The following SORT1 variants were observed in gnomAD, a reference collection of about 807,000 sequenced individuals.
SORT1 encodes the protein sortilin.
SORT1 carries 39 observed loss-of-function variants against 101.7 expected under a neutral mutation model. The observed-to-expected ratio is 0.38, with a 90% CI of 0.30 to 0.50. The LOEUF is 0.50. Ranked by LOEUF, SORT1 falls within the 20% of genes least tolerant of loss-of-function variation. SORT1 has a pLI of 0.90. For synonymous variants in SORT1, 396 were observed against 393.7 expected, an observed-to-expected ratio of 1.01 and a Z score of -0.07; for missense variants, 878 against 1,040.4, an observed-to-expected ratio of 0.84 and a Z score of 2.15.
At chr1:109,330,738 A>G (rs1340194724) in intron 11 of SORT1, among the ~76,000 whole-genome samples, 1 of 152,104 alleles carries the variant, frequency 6.6e-6, no homozygotes, top group Non-Finnish European at 1.5e-5. Flanking sequence ...AGAATAAGAA[A>G]AAAAGAAAAG....
At position 109,310,856 on chromosome 1, in the gene SORT1, G is replaced by C. The variant is rs1383720749; in HGVS notation, c.*3187C>G. 6.6e-6 allele frequency: 1 copy of C among 152,282 alleles called. No homozygotes were observed. Among genetic ancestry groups the C allele is most frequent in the African/African-American group, 2.4e-5 (1 of 41,452 alleles). The allele number at this position is 152,282 out of a possible 1,614,324, so 9.4% of individuals were successfully genotyped here. ...ATCGTGACGAAGGCCATGAGAACCAGCTCTGGTTTACAGACTCGATGCAGG... is the reference window on the plus strand; with the variant it reads ...ATCGTGACGAAGGCCATGAGAACCACCTCTGGTTTACAGACTCGATGCAGG... On this transcript the variant is annotated 3_prime_UTR_variant, in exon 20 of 20. Transcript: ENST00000256637.
Position 109,358,962 on chromosome 1 carries a change from C to T in SORT1, c.441-3493G>A, listed in dbSNP as rs567576825. ...AAATGATCATTTTTGCATGTATCCA[C>T]GGTGTAAACATGCACATGTTTATAA... On this transcript the variant is annotated intron_variant, in intron 3 of 19. Transcript: ENST00000256637. Among the ~76,000 whole-genome samples, 6 of 152,084 alleles carry T rather than the reference C, an allele frequency of 3.9e-5. No homozygotes were observed. In the East Asian group the frequency reaches 9.7e-4, roughly 24 times the overall value.
chr1:109,367,531 A>G (rs1553198196), intron 2 of SORT1, 50 bp from the exon 3 acceptor site: 7 of 1,163,916 alleles, frequency 6.0e-6, no homozygotes, highest in Non-Finnish European at 7.7e-6. Flanking sequence ...TTCCAATCAC[A>G]TGCTGATATG....
intron 4 of SORT1, among the ~76,000 whole-genome samples, chr1:109,354,817 T>C (rs1286914929): frequency 1.3e-5 from 2 of 152,192 alleles, no homozygotes; most frequent in Non-Finnish European, 2.9e-5. Flanking sequence ...GTTATATACA[T>C]TGTAATGTTA....
At chr1:109,346,892 C>T (rs1570932247) in intron 7 of SORT1, among the ~76,000 whole-genome samples, 1 of 152,122 alleles carries the variant, frequency 6.6e-6, no homozygotes, top group Non-Finnish European at 1.5e-5. Flanking sequence ...CCCAAGCTGT[C>T]CTTGAACTTC....
intron 9 of SORT1, among the ~76,000 whole-genome samples, chr1:109,341,352 G>GTT (rs57784152): frequency 6.8e-6 from 1 of 146,228 alleles, no homozygotes; most frequent in Non-Finnish European, 1.5e-5. Flanking sequence ...ATGCCCCTAA[G>GTT]TTTTTTTTTT....
intron 1 of SORT1, chr1:109,392,989 G>A (rs2100935044): frequency 1.0e-6 from 1 of 985,486 alleles, no homozygotes. Flanking sequence ...TGGAAGAAAT[G>A]AGGCAGTTAG....
At chr1:109,373,070 A>AG (rs1159132330) in intron 1 of SORT1, among the ~76,000 whole-genome samples, 1 of 152,080 alleles carries the variant, frequency 6.6e-6, no homozygotes, top group Non-Finnish European at 1.5e-5. Context: ...AGAAAAGAAA[A>AG]GAAAAAAAAA....
intron 5 of SORT1, 113 bp downstream of exon 5, chr1:109,354,254 G>T: frequency 1.3e-6 from 1 of 751,056 alleles, no homozygotes; most frequent in Non-Finnish European, 2.1e-6. Context: ...CATGCCATAA[G>T]GAGACTTGAA....
chr1:109,321,688 G>A (rs1014865197), intron 15 of SORT1, among the ~76,000 whole-genome samples: 4 of 152,122 alleles, frequency 2.6e-5, no homozygotes, highest in African/African-American at 9.7e-5. Flanking sequence ...ATGACATAAA[G>A]GGCCATGGCT....
At position 109,313,904 on chromosome 1, in the gene SORT1, C is replaced by A; in HGVS notation, c.*139G>T. On this transcript the variant is annotated 3_prime_UTR_variant, in exon 20 of 20. Transcript: ENST00000256637. Reference sequence around the variant, plus strand: ...ACCCTGCATTTCTTTAGTGTAGGTCCTTTTGGCTTTGATGGAAGCAGCAGA... The same window carrying A: ...ACCCTGCATTTCTTTAGTGTAGGTCATTTTGGCTTTGATGGAAGCAGCAGA... 5.7e-6 allele frequency: 4 copies of A among 697,756 alleles called. No homozygotes were observed. Among genetic ancestry groups the A allele is most frequent in the Non-Finnish European group, 9.5e-6 (4 of 421,218 alleles). 43.2% of individuals were successfully genotyped at this position (697,756 alleles called of 1,614,324 possible).
At chr1:109,344,837 C>T (rs1649473240) in intron 8 of SORT1, among the ~76,000 whole-genome samples, 1 of 152,090 alleles carries the variant, frequency 6.6e-6, no homozygotes, top group Non-Finnish European at 1.5e-5. Context: ...GCTGAGACTA[C>T]AGGCACATGC....
At chr1:109,372,847 C>G (rs934012484) in intron 1 of SORT1, among the ~76,000 whole-genome samples, 4 of 149,332 alleles carry the variant, frequency 2.7e-5, no homozygotes, top group Non-Finnish European at 5.9e-5. Context: ...TGCAGTGAGC[C>G]GAGAGCGCGC....
chr1:109,336,462 T>C, intron 10 of SORT1, 116 bp from the exon 11 acceptor site: 2 of 685,134 alleles, frequency 2.9e-6, no homozygotes, highest in East Asian at 5.2e-5. Flanking sequence ...TCCGACAAGC[T>C]TGTAACACCT....
intron 6 of SORT1, among the ~76,000 whole-genome samples, 177 bp downstream of exon 6, chr1:109,350,752 C>T (rs1054069458): frequency 6.6e-6 from 1 of 152,204 alleles, no homozygotes; most frequent in Non-Finnish European, 1.5e-5. Flanking sequence ...TCTTTTCCAG[C>T]AGAATGAGAA....
Position 109,351,114 on chromosome 1 carries a change from A to G in SORT1, c.709-112T>C, listed in dbSNP as rs908193090. 12 of 797,728 alleles carry G rather than the reference A, an allele frequency of 1.5e-5. No homozygotes were observed. The African/African-American group carries it at 1.9e-4, about 12-fold the overall frequency. 49.4% of individuals were successfully genotyped at this position (797,728 alleles called of 1,614,324 possible). A position where few individuals can be genotyped will look rare whatever the true frequency, so the allele number is the denominator to read the frequency against. ...TCAGGACAGGAAAAACACATACTGA[A>G]GCTCCATCAGAGCTGCCCGAGCTCC... is the stretch of plus-strand genomic sequence containing the variant. On this transcript the variant is annotated intron_variant, in intron 5 of 19. Coordinates refer to ENST00000256637, the MANE Select transcript of SORT1 (RefSeq NM_002959.7).
intron 11 of SORT1, 76 bp from the exon 12 acceptor site, chr1:109,327,677 TC>T (rs1648176669): frequency 1.0e-6 from 1 of 965,114 alleles, no homozygotes; most frequent in Non-Finnish European, 1.5e-6. Context: ...ACAAAACCCT[TC>T]CAATAAAGCT....
At position 109,313,694 on chromosome 1, in the gene SORT1, A is replaced by G; in HGVS notation, c.*349T>C. The stretch of plus-strand genomic sequence containing the variant: ...TGCCCTGGGGCAGGCGCCATGCAGA[A>G]CACACAGAAGTGGGGTTAGTGAAAA... On this transcript the variant is annotated 3_prime_UTR_variant, in exon 20 of 20. Coordinates refer to ENST00000256637, the MANE Select transcript of SORT1 (RefSeq NM_002959.7). 1 of 312,218 alleles carries G rather than the reference A, an allele frequency of 3.2e-6. No individual in the cohort carries two copies. The highest frequency in any genetic ancestry group is 1.0e-3 in the Middle Eastern group (1 of 968). The allele number at this position is 312,218 out of a possible 1,614,324, so 19.3% of individuals were successfully genotyped here.
intron 19 of SORT1, 68 bp downstream of exon 19, chr1:109,314,193 A>G: frequency 6.8e-7 from 1 of 1,474,052 alleles, no homozygotes; most frequent in Non-Finnish European, 9.2e-7. Flanking sequence ...CATGAATAGA[A>G]GACAGACTTT....
Sources: gnomAD v4.1 joint callset for allele counts (sites outside exome capture counted in the v4.1 genomes callset) on GRCh38, gnomAD v4.1.1 for gene constraint, MANE v1.5 for transcripts, NCBI Gene and HGNC (gene_info 2026-07-23, HGNC 2026-07-21) for gene names.